Variants in MLIP observed in about 807,000 individuals in gnomAD.
MLIP encodes the protein muscular LMNA interacting protein, also known as muscular LMNA-interacting protein.
Under a neutral mutation model 84.8 loss-of-function variants are expected in MLIP, and 79 were observed. The ratio of observed to expected loss-of-function variants is 0.93; its 90% CI spans 0.78 to 1.12. The LOEUF (loss-of-function observed/expected upper bound fraction) is 1.12, where lower values mean the gene tolerates loss of function less well. Ranked by LOEUF, MLIP falls within the 50% of genes most tolerant of loss-of-function variation. MLIP has a pLI of 0.00. For synonymous variants in MLIP, 504 were observed against 463.0 expected, an observed-to-expected ratio of 1.09 and a Z score of -1.14; for missense variants, 1,257 against 1,160.6, an observed-to-expected ratio of 1.08 and a Z score of -1.21.
In MLIP at chr6:54,169,539, T is replaced by A. The variant is rs1775556878; in HGVS notation, c.2511T>A (p.Thr837=). ...LGSDTVKTPT[T]LPRAAGRETK... is the part of the protein sequence containing the mutation. ...TTATTTTCATACAGACTCCTACAAC[T>A]CTTCCAAGAGCAGCTGGTCGAGAAA... Residue 837 remains threonine (T), a synonymous_variant, in exon 9 of 14, where the codon ACT becomes ACA. Transcript: ENST00000502396. 1 of 1,591,994 alleles carries A rather than the reference T, an allele frequency of 6.3e-7. No homozygotes were observed. The highest frequency in any genetic ancestry group is 1.4e-5 in the African/African-American group (1 of 73,726).
chr6:54,163,200 A>G (rs573371469), intron 8 of MLIP, among the ~76,000 whole-genome samples: 1 of 151,884 alleles, frequency 6.6e-6, no homozygotes, highest in African/African-American at 2.4e-5. Context: ...GTGACTTTAT[A>G]TTTATAATTT....
intron 1 of MLIP, among the ~76,000 whole-genome samples, chr6:54,098,238 C>T (rs1364740067): frequency 6.7e-6 from 1 of 149,584 alleles, no homozygotes; most frequent in Non-Finnish European, 1.5e-5. Context: ...TCACTGCAGC[C>T]TTGGACTTCT....
chr6:54,244,066 G>A (rs953346697), intron 12 of MLIP, among the ~76,000 whole-genome samples: 6 of 152,058 alleles, frequency 3.9e-5, no homozygotes, highest in Non-Finnish European at 8.8e-5. Flanking sequence ...ATTGTACTGA[G>A]GTAGCCACAT....
intron 1 of MLIP, among the ~76,000 whole-genome samples, chr6:54,085,618 T>C (rs9464021): frequency 3.3e-5 from 5 of 152,096 alleles, no homozygotes; most frequent in African/African-American, 1.2e-4. Flanking sequence ...GATTAAAGGG[T>C]GGAAGCCCAG....
intron 8 of MLIP, among the ~76,000 whole-genome samples, chr6:54,165,716 G>A (rs1384396991): frequency 2.0e-5 from 3 of 152,054 alleles, no homozygotes; most frequent in Admixed American, 1.3e-4. Context: ...ATTGGTCTTA[G>A]TAGAGAAAGA....
chr6:54,141,181 G>A (rs767493021), intron 4 of MLIP, among the ~76,000 whole-genome samples: 13 of 152,018 alleles, frequency 8.6e-5, no homozygotes, highest in Non-Finnish European at 1.9e-4. Context: ...AAATCTTAAG[G>A]TTCTGAATCT....
At chr6:54,189,968 C>A (rs575458123) in intron 10 of MLIP, 54 bp downstream of exon 10, 46 of 1,242,470 alleles carry the variant, frequency 3.7e-5, no homozygotes, top group Non-Finnish European at 5.0e-5. Flanking sequence ...CTCAAGAGAG[C>A]TTTACCTGAG....
At position 54,111,592 on chromosome 6, in the gene MLIP, G is replaced by A. The variant is rs574996114; in HGVS notation, c.96+17G>A. 3.1e-4 allele frequency: 483 copies of A among 1,535,846 alleles called. 8 individuals carry two copies. In the South Asian group the frequency reaches 5.5e-3, roughly 17 times the overall value. On this transcript the variant is annotated intron_variant, in intron 1 of 13. Transcript: ENST00000502396. ...ACACCCCAGGTAAAAGGAAGTCTTT[G>A]CTTAATGCTTTCAGTAACTTTTAAA...
intron 11 of MLIP, among the ~76,000 whole-genome samples, chr6:54,223,067 T>C (rs1442632354): frequency 6.6e-6 from 1 of 152,004 alleles, no homozygotes; most frequent in African/African-American, 2.4e-5. Flanking sequence ...ATTTTTTAAT[T>C]GAGTTATTTG....
chr6:54,190,336 G>C (rs1391336735), intron 10 of MLIP, among the ~76,000 whole-genome samples: 4 of 152,144 alleles, frequency 2.6e-5, no homozygotes, highest in Non-Finnish European at 4.4e-5. Context: ...AAATGGTCTA[G>C]ATCAGTGCTG....
At position 54,023,170 on chromosome 6, in the gene MLIP, A is replaced by AAATAAT. The variant is rs3064622; in HGVS notation, c.63+4101_63+4106dup. Reference sequence around the variant, plus strand: ...CGACAGAGCGAGACTCCATCTCAAAAAATAATAATAATAATAATAATAATA... The same window carrying AAATAAT: ...CGACAGAGCGAGACTCCATCTCAAAAAATAATAATAATAATAATAATAATAATAATA... On this transcript the variant is annotated intron_variant, in intron 1 of 12. Transcript: ENST00000274897. 2.9e-3 allele frequency among the ~76,000 whole-genome samples: 294 copies of AAATAAT among 103,086 alleles called. 5 individuals carry two copies. Among genetic ancestry groups the AAATAAT allele is most frequent in the South Asian group, 7.6e-3 (30 of 3,966 alleles). The allele number at this position is 103,086 out of a possible 152,430, so 67.6% of individuals were successfully genotyped here. A position where few individuals can be genotyped will look rare whatever the true frequency, so the allele number is the denominator to read the frequency against.
chr6:54,231,730 A>C (rs149084140), intron 12 of MLIP, among the ~76,000 whole-genome samples: 7 of 152,292 alleles, frequency 4.6e-5, no homozygotes, highest in South Asian at 2.1e-4. Flanking sequence ...ATCCTGTTTA[A>C]AAGCATTTAT....
intron 12 of MLIP, among the ~76,000 whole-genome samples, chr6:54,232,031 G>A (rs1218431514): frequency 2.6e-5 from 4 of 151,626 alleles, no homozygotes; most frequent in East Asian, 1.9e-4. Context: ...AATGTTTTTG[G>A]GCAACATTCA....
chr6:54,136,752 G>C lies in MLIP; in HGVS notation c.683G>C (p.Cys228Ser), dbSNP rs764565546. 6.6e-7 allele frequency: 1 copy of C among 1,513,048 alleles called. No individual in the cohort carries two copies. Among genetic ancestry groups the C allele is most frequent in the Non-Finnish European group, 8.9e-7 (1 of 1,129,514 alleles). The allele number at this position is 1,513,048 out of a possible 1,614,324, so 93.7% of individuals were successfully genotyped here. A position where few individuals can be genotyped will look rare whatever the true frequency, so the allele number is the denominator to read the frequency against. Residue 228 changes from cysteine (C) to serine (S), a missense_variant, in exon 4 of 14, where the codon TGT (cysteine) becomes TCT (serine). By Grantham distance (112) the Cys-to-Ser change is moderately radical (BLOSUM62 -1). Transcript: ENST00000502396. ...SSPTTSEQLA[C>S]KPPAFSFVSP... The stretch of plus-strand genomic sequence containing the variant: ...CCCACTACCTCTGAGCAGCTTGCCT[G>C]TAAACCACCTGCTTTCTCCTTTGTT...
chr6:54,077,138 A>G (rs1436632389), intron 1 of MLIP, among the ~76,000 whole-genome samples: 3 of 152,138 alleles, frequency 2.0e-5, no homozygotes, highest in Admixed American at 6.5e-5. Context: ...GCTATACAAA[A>G]CCTAAATAAT....
At chr6:54,231,086 G>T (rs1362762275) in intron 12 of MLIP, among the ~76,000 whole-genome samples, 169 bp downstream of exon 12, 1 of 152,094 alleles carries the variant, frequency 6.6e-6, no homozygotes. Flanking sequence ...TACCTTATAA[G>T]CAGATAATAA....
chr6:54,101,484 G>A (rs888654070), intron 1 of MLIP, among the ~76,000 whole-genome samples: 1 of 151,984 alleles, frequency 6.6e-6, no homozygotes, highest in African/African-American at 2.4e-5. Context: ...TATAAAAATA[G>A]AACTAAATTT....
intron 13 of MLIP, among the ~76,000 whole-genome samples, chr6:54,259,838 A>T (rs1333213829): frequency 6.6e-6 from 1 of 151,826 alleles, no homozygotes; most frequent in Non-Finnish European, 1.5e-5. Flanking sequence ...ACTTTTTACA[A>T]CTTCTTATGA....
chr6:54,051,048 G>T (rs866021209), intron 1 of MLIP, among the ~76,000 whole-genome samples: 2 of 152,126 alleles, frequency 1.3e-5, no homozygotes, highest in Middle Eastern at 3.4e-3. Context: ...ACTTTTTCAA[G>T]AAGGTCTCCC....
Sources: gnomAD v4.1 joint callset for allele counts (sites outside exome capture counted in the v4.1 genomes callset) on GRCh38, gnomAD v4.1.1 for gene constraint, MANE v1.5 for transcripts, NCBI Gene and HGNC (gene_info 2026-07-23, HGNC 2026-07-21) for gene names.